Variants in JCAD observed in about 807,000 individuals in gnomAD.
The protein encoded by JCAD is junctional cadherin 5 associated, also known as junctional cadherin 5-associated protein.
Under a neutral mutation model 98.0 loss-of-function variants are expected in JCAD, and 40 were observed. The ratio of observed to expected loss-of-function variants is 0.41; its 90% CI spans 0.32 to 0.53. JCAD has a LOEUF of 0.53. Ranked by LOEUF, JCAD falls within the 20% of genes least tolerant of loss-of-function variation. JCAD has a pLI of 0.31. For missense variants in JCAD, 1,705 were observed against 1,738.1 expected (o/e 0.98, Z 0.34); for synonymous variants, 691 against 682.3 (o/e 1.01, Z -0.20).
At chr10:30,043,581 G>A (rs1837282139) in intron 2 of JCAD, among the ~76,000 whole-genome samples, 1 of 137,660 alleles carries the variant, frequency 7.3e-6, no homozygotes, top group African/African-American at 2.5e-5. Context: ...GTCTTTATAG[G>A]CCTCTCCCAG....
chr10:30,094,974 G>A (rs1838345317), intron 1 of JCAD, among the ~76,000 whole-genome samples: 1 of 152,172 alleles, frequency 6.6e-6, no homozygotes, highest in African/African-American at 2.4e-5. Flanking sequence ...TTTATTAATT[G>A]TCTGAGTAGG....
At chr10:30,091,177 G>A (rs529826137) in intron 1 of JCAD, among the ~76,000 whole-genome samples, 124 of 152,256 alleles carry the variant, frequency 8.1e-4, no homozygotes, top group African/African-American at 3.0e-3. Flanking sequence ...ACAGAGCTAA[G>A]AAAAAATTTT....
chr10:30,047,022 G>C (rs1307747843), intron 2 of JCAD, among the ~76,000 whole-genome samples: 1 of 152,176 alleles, frequency 6.6e-6, no homozygotes, highest in Non-Finnish European at 1.5e-5. Flanking sequence ...AGGAGGTCAA[G>C]GCTGCAGTGA....
At chr10:30,100,681 G>A (rs1297429179) in intron 1 of JCAD, among the ~76,000 whole-genome samples, 1 of 152,122 alleles carries the variant, frequency 6.6e-6, no homozygotes, top group Non-Finnish European at 1.5e-5. Context: ...ACCCGACCCT[G>A]GCCTATTCTA....
rs574917530 is a variant in JCAD, at chr10:30,071,308, T to C, written n.129-1487A>G. Among the ~76,000 whole-genome samples, 5 of 152,290 alleles carry C rather than the reference T, an allele frequency of 3.3e-5. No individual in the cohort carries two copies. In the East Asian group the frequency reaches 9.6e-4, roughly 29 times the overall value. ...CCTAATATCATCATTATTGTTGTTTTTACTTTCCCTAGCTCTCCTTCCCAG... is the reference window on the plus strand; with the variant it reads ...CCTAATATCATCATTATTGTTGTTTCTACTTTCCCTAGCTCTCCTTCCCAG... On this transcript the variant is annotated intron_variant and non_coding_transcript_variant, in intron 1 of 2. Transcript: ENST00000465712.
At chr10:30,055,492 A>G (rs926098950) in intron 1 of JCAD, among the ~76,000 whole-genome samples, 4 of 152,214 alleles carry the variant, frequency 2.6e-5, no homozygotes, top group African/African-American at 9.6e-5. Flanking sequence ...GTATTTTACT[A>G]TGAACAATAG....
intron 3 of JCAD, among the ~76,000 whole-genome samples, chr10:30,021,645 T>A (rs971124090): frequency 6.6e-6 from 1 of 152,268 alleles, no homozygotes; most frequent in African/African-American, 2.4e-5. Context: ...GATTCTTTTT[T>A]TGTACTAAGT....
intron 1 of JCAD, among the ~76,000 whole-genome samples, chr10:30,105,093 A>G (rs1838550008): frequency 6.6e-6 from 1 of 152,218 alleles, no homozygotes; most frequent in African/African-American, 2.4e-5. Context: ...AGGAACATCT[A>G]GGTCACTTTT....
chr10:30,063,428 A>G (rs1837733100), upstream of JCAD, among the ~76,000 whole-genome samples: 1 of 152,062 alleles, frequency 6.6e-6, no homozygotes, highest in Non-Finnish European at 1.5e-5. Flanking sequence ...AAAAGCCAAG[A>G]TCTTGTTTCT....
intron 1 of JCAD, among the ~76,000 whole-genome samples, chr10:30,097,494 A>C (rs1187674256): frequency 6.6e-6 from 1 of 152,192 alleles, no homozygotes; most frequent in Admixed American, 6.5e-5. Context: ...TCATGCCTAT[A>C]ATCCCAGCAC....
At chr10:30,074,205 C>T (rs1411090866) in intron 1 of JCAD, among the ~76,000 whole-genome samples, 1 of 152,108 alleles carries the variant, frequency 6.6e-6, no homozygotes, top group Non-Finnish European at 1.5e-5. Flanking sequence ...TATTGACACA[C>T]ATTGTACCTG....
intron 1 of JCAD, among the ~76,000 whole-genome samples, chr10:30,089,735 T>C (rs934925468): frequency 2.0e-5 from 3 of 152,128 alleles, no homozygotes; most frequent in African/African-American, 7.2e-5. Flanking sequence ...TCATTGCAGA[T>C]GAGTTAATCA....
At chr10:30,044,600 G>C (rs766502094) in intron 2 of JCAD, among the ~76,000 whole-genome samples, 9 of 151,984 alleles carry the variant, frequency 5.9e-5, no homozygotes, top group Non-Finnish European at 1.0e-4. Context: ...CTGTGCTTTT[G>C]AGTAACCAAA....
intron 2 of JCAD, among the ~76,000 whole-genome samples, chr10:30,031,631 G>A (rs1050778910): frequency 6.6e-5 from 10 of 150,896 alleles, no homozygotes; most frequent in Non-Finnish European, 1.0e-4. Context: ...TAGTAGAGAC[G>A]AGGTTTCACT....
rs558899254 is a variant in JCAD, at chr10:30,103,090, T to C, written n.128+12277A>G. On this transcript the variant is annotated intron_variant and non_coding_transcript_variant, in intron 1 of 2. Coordinates refer to the JCAD transcript ENST00000465712. ...GCCAAACCATATGACTGATTTCTCT[T>C]AGCATAACATCCTCCCAGTTCATAT... Among the ~76,000 whole-genome samples the C allele has an allele frequency of 3.3e-5, 5 of 152,304 alleles. No homozygotes were observed. The East Asian group carries it at 9.7e-4, about 29-fold the overall frequency.
chr10:30,035,144 A>T (rs1837083136), intron 2 of JCAD, among the ~76,000 whole-genome samples: 1 of 152,220 alleles, frequency 6.6e-6, no homozygotes, highest in South Asian at 2.1e-4. Context: ...GCATAATCAG[A>T]AGACAGATAA....
intron 1 of JCAD, among the ~76,000 whole-genome samples, chr10:30,087,110 C>G (rs1334611763): frequency 1.3e-5 from 2 of 152,144 alleles, no homozygotes; most frequent in Non-Finnish European, 2.9e-5. Context: ...TTTATAAACT[C>G]TACCCCAGGC....
At chr10:30,063,032 G>T (rs1837725575), upstream of JCAD, among the ~76,000 whole-genome samples, 1 of 152,110 alleles carries the variant, frequency 6.6e-6, no homozygotes, top group Admixed American at 6.6e-5. Flanking sequence ...AAGGGATGGT[G>T]GGCAAGACGT....
intron 1 of JCAD, among the ~76,000 whole-genome samples, chr10:30,078,748 C>G (rs535667795): frequency 6.6e-6 from 1 of 152,344 alleles, no homozygotes; most frequent in Admixed American, 6.5e-5. Flanking sequence ...GTAGATGTAT[C>G]TGAGCTGCAG....
Sources: gnomAD v4.1 joint callset for allele counts (sites outside exome capture counted in the v4.1 genomes callset) on GRCh38, gnomAD v4.1.1 for gene constraint, MANE v1.5 for transcripts, NCBI Gene and HGNC (gene_info 2026-07-23, HGNC 2026-07-21) for gene names.